Variants in RANBP2 observed in about 807,000 individuals in gnomAD.
RANBP2 encodes E3 SUMO-protein ligase RanBP2.
RANBP2 carries 57 observed loss-of-function variants against 303.6 expected under a neutral mutation model. The observed-to-expected ratio is 0.19, with a 90% confidence interval of 0.15 to 0.23. RANBP2 has a LOEUF of 0.23. RANBP2 is among the 10% of genes least tolerant of loss of function. RANBP2 has a pLI of 1.00. For synonymous variants in RANBP2, 1,167 were observed against 1,301.5 expected (o/e 0.90, Z 2.23); for missense variants, 3,138 against 3,780.8 (o/e 0.83, Z 4.46).
At chr2:109,659,907 A>G in the RANBP2 span, among the ~76,000 whole-genome samples, 19 of 152,200 alleles carry the variant, frequency 1.2e-4, no homozygotes, top group Non-Finnish European at 2.2e-4. Context: ...CTCAGGCACA[A>G]GCAAATGCCC....
At chr2:109,339,981 G>C in the RANBP2 span, among the ~76,000 whole-genome samples, 1 of 152,198 alleles carries the variant, frequency 6.6e-6, no homozygotes, top group African/African-American at 2.4e-5. Context: ...TACACGCTTT[G>C]TGATGCTGAG....
intron 5 of RANBP2, 90 bp from the exon 6 acceptor site, chr2:108,736,014 G>GTGAAAAGT (rs1297233972): frequency 6.2e-7 from 1 of 1,609,632 alleles, no homozygotes; most frequent in Non-Finnish European, 8.5e-7. Flanking sequence ...AAATGTGGTT[G>GTGAAAAGT]GAGTGAGAAA....
At chr2:109,305,589 A>G in the RANBP2 span, among the ~76,000 whole-genome samples, 1 of 152,182 alleles carries the variant, frequency 6.6e-6, no homozygotes, top group Non-Finnish European at 1.5e-5. Flanking sequence ...AGTCTCAGCT[A>G]AGCTAAGGGA....
At chr2:109,607,189 T>C in the RANBP2 span, among the ~76,000 whole-genome samples, 1 of 152,188 alleles carries the variant, frequency 6.6e-6, no homozygotes, top group African/African-American at 2.4e-5. Context: ...CACAAATAAT[T>C]TGTATTTTCC....
chr2:109,365,927 T>G, the RANBP2 span, among the ~76,000 whole-genome samples: 6 of 152,354 alleles, frequency 3.9e-5, no homozygotes, highest in South Asian at 4.1e-4. Flanking sequence ...TAAAAAAATT[T>G]CAGAGTGGAA....
At chr2:109,460,130 A>G in the RANBP2 span, among the ~76,000 whole-genome samples, 11 of 152,334 alleles carry the variant, frequency 7.2e-5, no homozygotes, top group Non-Finnish European at 1.5e-4. Context: ...TTCATTTGCT[A>G]TGGAGTGAGC....
At chr2:109,382,595 G>A in the RANBP2 span, among the ~76,000 whole-genome samples, 66 of 152,266 alleles carry the variant, frequency 4.3e-4, no homozygotes, top group African/African-American at 1.5e-3. Flanking sequence ...CACCCCAGTC[G>A]TCTCCAGGAC....
intron 4 of RANBP2, among the ~76,000 whole-genome samples, chr2:108,732,250 A>G (rs546149286): frequency 6.6e-4 from 101 of 152,280 alleles, no homozygotes; most frequent in African/African-American, 2.2e-3. Flanking sequence ...GAAGTTGCAA[A>G]GATTGTACAG....
chr2:109,750,758 C>A, the RANBP2 span, among the ~76,000 whole-genome samples: 1 of 83,888 alleles, frequency 1.2e-5, no homozygotes, highest in Non-Finnish European at 2.4e-5. Flanking sequence ...GAGTCTTGTT[C>A]TGTCACCCAG....
the RANBP2 span, among the ~76,000 whole-genome samples, chr2:109,285,938 C>A: frequency 6.6e-6 from 1 of 152,186 alleles, no homozygotes; most frequent in Admixed American, 6.5e-5. Context: ...CGGTTTTCCT[C>A]TTTTCTGCCC....
chr2:109,036,935 G>GGA, the RANBP2 span, among the ~76,000 whole-genome samples: 1 of 152,134 alleles, frequency 6.6e-6, no homozygotes, highest in African/African-American at 2.4e-5. Context: ...CTTGAGGTCA[G>GGA]GAGTTTCAGA....
At chr2:108,875,316 T>TA in the RANBP2 span, among the ~76,000 whole-genome samples, 1 of 22,692 alleles carries the variant, frequency 4.4e-5, no homozygotes, top group African/African-American at 1.3e-4. Context: ...ACTTAAAGTA[T>TA]AATAAAAAAA....
chr2:108,882,208 T>C, the RANBP2 span: 2 of 150,768 alleles, frequency 1.3e-5, no homozygotes, highest in Admixed American at 6.6e-5. Flanking sequence ...ATGACAGATA[T>C]AATAACATAA....
chr2:109,490,947 G>C, the RANBP2 span: 1 of 1,469,076 alleles, frequency 6.8e-7, no homozygotes, highest in Non-Finnish European at 9.0e-7. Context: ...GTAAGTGCAG[G>C]GGCTTGTCTG....
At chr2:109,195,968 C>A in the RANBP2 span, among the ~76,000 whole-genome samples, 5 of 152,216 alleles carry the variant, frequency 3.3e-5, no homozygotes, top group Non-Finnish European at 5.9e-5. Flanking sequence ...ACCTTGCGGG[C>A]CTTCTGGAGA....
At chr2:109,342,130 C>T in the RANBP2 span, among the ~76,000 whole-genome samples, 1 of 152,230 alleles carries the variant, frequency 6.6e-6, no homozygotes, top group Non-Finnish European at 1.5e-5. Flanking sequence ...CTGTGTCCAT[C>T]TATAACTCTG....
chr2:109,509,096 G>C, the RANBP2 span, among the ~76,000 whole-genome samples: 1 of 152,198 alleles, frequency 6.6e-6, no homozygotes, highest in Non-Finnish European at 1.5e-5. Context: ...ACTTGCCTGG[G>C]TCTGGGCATC....
At chr2:109,051,999 C>T in the RANBP2 span, among the ~76,000 whole-genome samples, 24 of 152,276 alleles carry the variant, frequency 1.6e-4, no homozygotes, top group African/African-American at 5.1e-4. Flanking sequence ...CCGCCCGCCT[C>T]GGCCTCCCAA....
At chr2:109,380,285 G>C in the RANBP2 span, among the ~76,000 whole-genome samples, 1 of 152,220 alleles carries the variant, frequency 6.6e-6, no homozygotes, top group African/African-American at 2.4e-5. Context: ...ACATTCCATT[G>C]CTGCTGGGAG....
Sources: gnomAD v4.1 joint callset for allele counts (sites outside exome capture counted in the v4.1 genomes callset) on GRCh38, gnomAD v4.1.1 for gene constraint, MANE v1.5 for transcripts, NCBI Gene and HGNC (gene_info 2026-07-23, HGNC 2026-07-21) for gene names.